Variants in GMPS observed in about 807,000 individuals in gnomAD.
The protein encoded by GMPS is GMP synthase [glutamine-hydrolyzing].
Under a neutral mutation model 77.9 loss-of-function variants are expected in GMPS, and 15 were observed. The observed-to-expected ratio is 0.19, with a 90% CI of 0.13 to 0.30. GMPS has a LOEUF of 0.30. Among genes scored for constraint, GMPS ranks in the 10% least tolerant of loss-of-function variants. The pLI is 1.00. For missense variants in GMPS, 590 were observed against 838.8 expected (o/e 0.70, Z 3.66); for synonymous variants, 224 against 275.9 (o/e 0.81, Z 1.86).
At chr3:155,895,134 A>G (rs1042517689) in intron 2 of GMPS, among the ~76,000 whole-genome samples, 1 of 152,192 alleles carries the variant, frequency 6.6e-6, no homozygotes, top group Admixed American at 6.5e-5. Flanking sequence ...GATCATAAAC[A>G]GTGTCTAGGT....
At chr3:155,889,346 C>T (rs1283024039) in intron 1 of GMPS, among the ~76,000 whole-genome samples, 1 of 152,138 alleles carries the variant, frequency 6.6e-6, no homozygotes, top group Non-Finnish European at 1.5e-5. Context: ...GTCAAGGGTT[C>T]ATGGGGGTTA....
At position 155,903,853 on chromosome 3, in the gene GMPS, C is replaced by T; in HGVS notation, c.325-10C>T. ...GATTTCTATTAACATTAATTTTTTT[C>T]TTTGAACAGATGATGAATAAGGTAT... On this transcript the variant is annotated splice_polypyrimidine_tract_variant and intron_variant, in intron 3 of 15. Transcript: ENST00000496455. 4.6e-6 allele frequency: 6 copies of T among 1,290,514 alleles called. No individual in the cohort carries two copies. The highest frequency in any genetic ancestry group is 6.4e-6 in the Non-Finnish European group (6 of 933,978). The allele number at this position is 1,290,514 out of a possible 1,614,324, so 79.9% of individuals were successfully genotyped here. A position where few individuals can be genotyped will look rare whatever the true frequency, so the allele number is the denominator to read the frequency against.
rs553679335 is a variant in GMPS, at chr3:155,942,689, C to G, written c.*4997C>G. 1.7e-5 allele frequency: 4 copies of G among 228,820 alleles called. No individual in the cohort carries two copies. The highest frequency in any genetic ancestry group is 1.8e-4 in the South Asian group (1 of 5,498). 14.2% of individuals were successfully genotyped at this position (228,820 alleles called of 1,614,324 possible). A position where few individuals can be genotyped will look rare whatever the true frequency, so the allele number is the denominator to read the frequency against. On this transcript the variant is annotated 3_prime_UTR_variant, in exon 16 of 16. Coordinates refer to ENST00000496455, the MANE Select transcript of GMPS (RefSeq NM_003875.3). ...GAGATCTGGGCAACAACTGTGTAGG[C>G]TGTTCTTTCAACCTCTTTCTTCTTA...
intron 7 of GMPS, 60 bp from the exon 8 acceptor site, chr3:155,914,359 G>C: frequency 8.0e-7 from 1 of 1,245,560 alleles, no homozygotes; most frequent in Non-Finnish European, 1.1e-6. Flanking sequence ...ATTTTGACTT[G>C]TTATTTTTGA....
At chr3:155,875,577 T>G (rs1224449607) in intron 1 of GMPS, among the ~76,000 whole-genome samples, 2 of 152,190 alleles carry the variant, frequency 1.3e-5, no homozygotes, top group Admixed American at 6.5e-5. Flanking sequence ...TAAACCATAT[T>G]TAGATGCTGA....
chr3:155,893,373 G>C (rs1364771636), intron 1 of GMPS, 145 bp from the exon 2 acceptor site: 1 of 574,202 alleles, frequency 1.7e-6, no homozygotes, highest in African/African-American at 1.9e-5. Flanking sequence ...CCCTTTAAAA[G>C]GGGTATTTTG....
intron 3 of GMPS, among the ~76,000 whole-genome samples, chr3:155,903,175 G>GC (rs1754771127): frequency 6.6e-6 from 1 of 152,190 alleles, no homozygotes; most frequent in Admixed American, 6.5e-5. Context: ...TATCACTGCA[G>GC]ATCTAATGTT....
In GMPS at chr3:155,940,647, G is replaced by C; in HGVS notation, c.*2955G>C. 1 of 210,316 alleles carries C rather than the reference G, an allele frequency of 4.8e-6. No individual in the cohort carries two copies. Among genetic ancestry groups the C allele is most frequent in the Non-Finnish European group, 9.6e-6 (1 of 104,212 alleles). The allele number at this position is 210,316 out of a possible 1,614,324, so 13.0% of individuals were successfully genotyped here. ...TCTTTATCTGTGACATGAGGTAACT[G>C]TATTAAATTTTCAGCATCAAATCCA... is the stretch of plus-strand genomic sequence containing the variant. On this transcript the variant is annotated 3_prime_UTR_variant, in exon 16 of 16. Coordinates refer to ENST00000496455, the MANE Select transcript of GMPS (RefSeq NM_003875.3).
chr3:155,914,372 A>T, intron 7 of GMPS, 47 bp from the exon 8 acceptor site: 2 of 1,359,582 alleles, frequency 1.5e-6, no homozygotes, highest in African/African-American at 1.5e-5. Context: ...ATTTTTGATT[A>T]AAAAACATGT....
intron 4 of GMPS, among the ~76,000 whole-genome samples, chr3:155,904,731 A>G (rs1312768922): frequency 6.6e-6 from 1 of 152,228 alleles, no homozygotes; most frequent in Non-Finnish European, 1.5e-5. Context: ...GTTGACACTT[A>G]CATTCATCCT....
At chr3:155,872,907 G>A (rs187367073) in intron 1 of GMPS, among the ~76,000 whole-genome samples, 2 of 152,316 alleles carry the variant, frequency 1.3e-5, no homozygotes, top group Admixed American at 1.3e-4. Flanking sequence ...TAACATGCCA[G>A]TGATCATAAA....
chr3:155,909,074 A>C (rs1325528583), intron 5 of GMPS, among the ~76,000 whole-genome samples: 2 of 152,198 alleles, frequency 1.3e-5, no homozygotes, highest in Non-Finnish European at 2.9e-5. Flanking sequence ...AGAGCCAAAT[A>C]AAGTGTGAAG....
Position 155,942,469 on chromosome 3 carries a change from G to T in GMPS, c.*4777G>T. On this transcript the variant is annotated 3_prime_UTR_variant, in exon 16 of 16. Coordinates refer to ENST00000496455, the MANE Select transcript of GMPS (RefSeq NM_003875.3). ...TAGCCTGTCTTCATCAAACTCATAG[G>T]TGAATCTTTGTCAAACCTATAGGAG... 1 of 223,892 alleles carries T rather than the reference G, an allele frequency of 4.5e-6. No homozygotes were observed. The highest frequency in any genetic ancestry group is 8.9e-6 in the Non-Finnish European group (1 of 112,214). 13.9% of individuals were successfully genotyped at this position (223,892 alleles called of 1,614,324 possible). A position where few individuals can be genotyped will look rare whatever the true frequency, so the allele number is the denominator to read the frequency against.
chr3:155,870,351 T>G (rs899842740), upstream of GMPS, among the ~76,000 whole-genome samples: 2 of 145,098 alleles, frequency 1.4e-5, no homozygotes, highest in Admixed American at 7.1e-5. Context: ...CGGCTTCGGT[T>G]TTTCTCCTGG....
chr3:155,922,792 G>A (rs1047945032), intron 11 of GMPS, among the ~76,000 whole-genome samples: 3 of 152,152 alleles, frequency 2.0e-5, no homozygotes, highest in Non-Finnish European at 4.4e-5. Flanking sequence ...AAGATGAATG[G>A]AAAAATTCCC....
chr3:155,923,031 G>A (rs755104122), intron 11 of GMPS, among the ~76,000 whole-genome samples: 1 of 152,010 alleles, frequency 6.6e-6, no homozygotes. Context: ...ATCACATATA[G>A]AAGTATGGCA....
At chr3:155,915,412 C>T (rs1229833443) in intron 8 of GMPS, among the ~76,000 whole-genome samples, 2 of 150,482 alleles carry the variant, frequency 1.3e-5, no homozygotes, top group African/African-American at 4.9e-5. Flanking sequence ...TAATTTTTTT[C>T]TTTTTTTGAG....
chr3:155,889,352 G>T (rs1272962065), intron 1 of GMPS, among the ~76,000 whole-genome samples: 5 of 152,116 alleles, frequency 3.3e-5, no homozygotes, highest in African/African-American at 9.7e-5. Context: ...GGTTCATGGG[G>T]GTTAAACTCT....
At chr3:155,890,692 C>T (rs911819707) in intron 1 of GMPS, among the ~76,000 whole-genome samples, 1 of 151,942 alleles carries the variant, frequency 6.6e-6, no homozygotes, top group African/African-American at 2.4e-5. Flanking sequence ...GAAGTATTTT[C>T]CTGGAGTCAC....
Sources: allele counts gnomAD v4.1 joint callset (sites outside exome capture counted in the v4.1 genomes callset), GRCh38; gene constraint gnomAD v4.1.1; transcripts MANE v1.5; gene names NCBI Gene and HGNC (gene_info 2026-07-23, HGNC 2026-07-21).